The following OPCML variants were observed in gnomAD, a reference collection of about 807,000 sequenced individuals.
OPCML encodes the protein opioid binding protein/cell adhesion molecule like, also known as opioid-binding protein/cell adhesion molecule.
OPCML carries 13 observed loss-of-function variants against 37.8 expected under a neutral mutation model. The ratio of observed to expected loss-of-function variants is 0.34; its 90% CI spans 0.22 to 0.55. The LOEUF (loss-of-function observed/expected upper bound fraction) is 0.55, where lower values mean the gene tolerates loss of function less well. Ranked by LOEUF, OPCML falls within the 20% of genes least tolerant of loss-of-function variation. The probability of loss-of-function intolerance (pLI) is 0.91; values close to 1 mark genes in which losing one functional copy is unlikely to be tolerated. For synonymous variants in OPCML, 176 were observed against 168.8 expected, an observed-to-expected ratio of 1.04 and a Z score of -0.33; for missense variants, 341 against 435.6, an observed-to-expected ratio of 0.78 and a Z score of 1.93.
intron 1 of OPCML, among the ~76,000 whole-genome samples, chr11:133,221,709 C>G (rs930409904): frequency 6.6e-6 from 1 of 152,212 alleles, no homozygotes; most frequent in Middle Eastern, 3.4e-3. Flanking sequence ...TTATGCTGAG[C>G]GAGTGTGACT....
intron 1 of OPCML, among the ~76,000 whole-genome samples, chr11:133,140,960 A>ACG (rs1565468754): frequency 0.015 from 31 of 2,072 alleles, 2 homozygotes; most frequent in African/African-American, 0.022. Flanking sequence ...GAAGAAGAAG[A>ACG]AGAAGAAGAA....
At chr11:132,714,395 A>C (rs1369417351) in intron 2 of OPCML, among the ~76,000 whole-genome samples, 3 of 152,214 alleles carry the variant, frequency 2.0e-5, no homozygotes, top group African/African-American at 7.2e-5. Flanking sequence ...CATGGAGATA[A>C]TATGTGCGGC....
intron 2 of OPCML, among the ~76,000 whole-genome samples, chr11:132,676,511 G>A (rs2135835362): frequency 6.6e-6 from 1 of 151,752 alleles, no homozygotes; most frequent in East Asian, 1.9e-4. Flanking sequence ...TATAGAATGA[G>A]ATAAAATATT....
intron 1 of OPCML, among the ~76,000 whole-genome samples, chr11:133,059,199 G>A (rs1188995046): frequency 1.3e-5 from 2 of 152,160 alleles, no homozygotes; most frequent in Non-Finnish European, 2.9e-5. Flanking sequence ...TTGCCACCTT[G>A]ACATTTCTTA....
rs531639185 is a variant in OPCML, at chr11:133,422,156, TTTG to T, written c.61+110105_61+110107del. 3.3e-4 allele frequency: 316 copies of T among 950,754 alleles called. 1 individual carries two copies. Among genetic ancestry groups the T allele is most frequent in the Middle Eastern group, 3.2e-3 (6 of 1,852 alleles). The allele number at this position is 950,754 out of a possible 1,614,324, so 58.9% of individuals were successfully genotyped here. On this transcript the variant is annotated intron_variant, in intron 1 of 7. Transcript: ENST00000524381. ...TGGCAGGCCCCGATGTGTTTGTTTG[TTTG>T]TTGTTGTTGTTGTTGTTCACTCCCT... is the stretch of plus-strand genomic sequence containing the variant.
chr11:133,299,444 C>T (rs1302890337), intron 1 of OPCML: 1 of 152,200 alleles, frequency 6.6e-6, no homozygotes, highest in Admixed American at 6.5e-5. Context: ...TGGGCAGACA[C>T]CTAATTTCTT....
At chr11:132,601,308 G>C (rs1287931480) in intron 3 of OPCML, among the ~76,000 whole-genome samples, 1 of 152,010 alleles carries the variant, frequency 6.6e-6, no homozygotes, top group Non-Finnish European at 1.5e-5. Flanking sequence ...ACTGTATAGA[G>C]CTCCCCATTT....
intron 2 of OPCML, among the ~76,000 whole-genome samples, chr11:132,740,161 G>C (rs777152726): frequency 6.6e-6 from 1 of 152,228 alleles, no homozygotes; most frequent in Non-Finnish European, 1.5e-5. Context: ...GCTAAGAGTA[G>C]AGCTGACTTA....
At chr11:133,007,048 A>T in intron 1 of OPCML, 2 of 985,436 alleles carry the variant, frequency 2.0e-6, no homozygotes, top group Non-Finnish European at 2.4e-6. Flanking sequence ...TGAGAAAAAA[A>T]TCCTTTTCTT....
chr11:133,150,542 A>G (rs1949964769), intron 1 of OPCML, among the ~76,000 whole-genome samples: 1 of 152,172 alleles, frequency 6.6e-6, no homozygotes, highest in Non-Finnish European at 1.5e-5. Flanking sequence ...GCTGCCTTAC[A>G]GTGTCCTCTA....
intron 2 of OPCML, among the ~76,000 whole-genome samples, chr11:132,692,348 C>G (rs1943437280): frequency 6.6e-6 from 1 of 152,140 alleles, no homozygotes; most frequent in South Asian, 2.1e-4. Context: ...GTAATTAACA[C>G]TCGTTGCCAT....
At chr11:132,951,956 A>G (rs1047472456) in intron 1 of OPCML, among the ~76,000 whole-genome samples, 3 of 152,254 alleles carry the variant, frequency 2.0e-5, no homozygotes, top group Non-Finnish European at 4.4e-5. Flanking sequence ...ACACAGAAAT[A>G]TCTGCATTTA....
chr11:132,605,805 G>C (rs1486608043), intron 3 of OPCML, among the ~76,000 whole-genome samples: 1 of 152,132 alleles, frequency 6.6e-6, no homozygotes, highest in South Asian at 2.1e-4. Context: ...AATCTACATA[G>C]TATAGTAGGT....
intron 1 of OPCML, among the ~76,000 whole-genome samples, chr11:133,189,367 G>C (rs2136298654): frequency 6.6e-6 from 1 of 152,314 alleles, no homozygotes; most frequent in Admixed American, 6.5e-5. Flanking sequence ...AAGGAAGAAA[G>C]CTCTAGATTA....
intron 1 of OPCML, among the ~76,000 whole-genome samples, chr11:133,275,651 C>T (rs1369023714): frequency 6.6e-6 from 1 of 152,156 alleles, no homozygotes; most frequent in Non-Finnish European, 1.5e-5. Flanking sequence ...GATTAATATG[C>T]CACAGTTGAA....
chr11:133,434,624 G>A (rs1946193024), intron 1 of OPCML, among the ~76,000 whole-genome samples: 1 of 151,822 alleles, frequency 6.6e-6, no homozygotes, highest in South Asian at 2.1e-4. Context: ...AAGTTTATCT[G>A]CTTAGCTCCA....
At chr11:132,914,426 G>A (rs1944539720) in intron 2 of OPCML, among the ~76,000 whole-genome samples, 1 of 152,170 alleles carries the variant, frequency 6.6e-6, no homozygotes, top group African/African-American at 2.4e-5. Context: ...AATATTTATG[G>A]ACTCGTTTAG....
chr11:132,714,102 A>T (rs569822889), intron 2 of OPCML, among the ~76,000 whole-genome samples: 2 of 152,228 alleles, frequency 1.3e-5, no homozygotes, highest in Non-Finnish European at 2.9e-5. Flanking sequence ...GAAAGAATAA[A>T]TACAGTATAA....
At chr11:133,487,398 T>C (rs2120405290) in intron 1 of OPCML, among the ~76,000 whole-genome samples, 1 of 152,286 alleles carries the variant, frequency 6.6e-6, no homozygotes, top group East Asian at 1.9e-4. Flanking sequence ...AATGCTCTTC[T>C]CTCAAATTTG....
Sources: allele counts gnomAD v4.1 joint callset (sites outside exome capture counted in the v4.1 genomes callset), GRCh38; gene constraint gnomAD v4.1.1; transcripts MANE v1.5; gene names NCBI Gene and HGNC (gene_info 2026-07-23, HGNC 2026-07-21).